PRKD1: variants seen among roughly 807,000 people sequenced by gnomAD.
PRKD1 encodes the protein serine/threonine-protein kinase D1.
A neutral mutation model predicts 95.9 loss-of-function variants in PRKD1; 63 were observed. That is an observed-to-expected ratio of 0.66 (90% CI 0.54 to 0.81). The LOEUF is 0.81. PRKD1 is among the 30% of genes least tolerant of loss of function. The probability of loss-of-function intolerance (pLI) is 0.00; values close to 1 mark genes in which losing one functional copy is unlikely to be tolerated. For synonymous variants in PRKD1, 425 were observed against 423.1 expected (o/e 1.00, Z -0.05); for missense variants, 1,048 against 1,165.3 (o/e 0.90, Z 1.47).
intron 16 of PRKD1, among the ~76,000 whole-genome samples, chr14:29,592,066 A>C (rs1204377572): frequency 6.6e-6 from 1 of 152,130 alleles, no homozygotes; most frequent in East Asian, 1.9e-4. Context: ...AAGTTCTTTC[A>C]AGGAACCGAG....
At chr14:29,866,106 T>A (rs547940968) in intron 1 of PRKD1, among the ~76,000 whole-genome samples, 1 of 152,142 alleles carries the variant, frequency 6.6e-6, no homozygotes, top group Admixed American at 6.6e-5. Flanking sequence ...AGATAAATCA[T>A]TCTGAAATTT....
rs45503598 is a variant in PRKD1, at chr14:29,670,458, T to C, written c.404-4250A>G. On this transcript the variant is annotated intron_variant, in intron 2 of 17. Coordinates refer to ENST00000331968, the MANE Select transcript of PRKD1 (RefSeq NM_002742.3). ...GAACAGGATAAAAGAGTGAACATTT[T>C]TATATAGTCTTATTTTAATTATATA... is the stretch of plus-strand genomic sequence containing the variant. 3.5e-3 allele frequency among the ~76,000 whole-genome samples: 539 copies of C among 152,314 alleles called. 3 individuals are homozygous for C. The highest frequency in any genetic ancestry group is 0.012 in the African/African-American group (507 of 41,570).
chr14:29,794,443 A>G (rs1028950790), intron 1 of PRKD1, among the ~76,000 whole-genome samples: 1 of 151,676 alleles, frequency 6.6e-6, no homozygotes, highest in African/African-American at 2.4e-5. Flanking sequence ...CCACATACAC[A>G]CTCTTTGAAA....
In PRKD1 at chr14:29,857,302, C is replaced by T. The variant is rs1032593551; in HGVS notation, c.264+69947G>A. On this transcript the variant is annotated intron_variant, in intron 1 of 17. Transcript: ENST00000331968. ...TCCACACTACCCTCATTTGCAACCA[C>T]CCAGCTTATAAAAGGCAGAAAATAA... is the stretch of plus-strand genomic sequence containing the variant. 2.0e-5 allele frequency among the ~76,000 whole-genome samples: 3 copies of T among 152,128 alleles called. No homozygotes were observed. In the East Asian group the frequency reaches 5.8e-4, roughly 29 times the overall value.
intron 2 of PRKD1, among the ~76,000 whole-genome samples, chr14:29,716,994 C>A (rs1248071710): frequency 1.3e-5 from 2 of 151,888 alleles, no homozygotes; most frequent in Non-Finnish European, 2.9e-5. Flanking sequence ...AACAAGAGTC[C>A]AGAAAAAGAA....
intron 2 of PRKD1, among the ~76,000 whole-genome samples, chr14:29,712,775 T>C (rs1885396307): frequency 2.6e-5 from 4 of 152,192 alleles, no homozygotes; most frequent in Non-Finnish European, 4.4e-5. Context: ...GATTTTTATA[T>C]GGGTTGCATG....
chr14:29,650,741 T>C (rs924379561), intron 4 of PRKD1, among the ~76,000 whole-genome samples: 4 of 152,194 alleles, frequency 2.6e-5, no homozygotes, highest in Non-Finnish European at 5.9e-5. Flanking sequence ...TTAGGTAACA[T>C]TCTTGAGATT....
chr14:29,823,080 T>C (rs925488428), intron 1 of PRKD1, among the ~76,000 whole-genome samples: 3 of 152,196 alleles, frequency 2.0e-5, no homozygotes, highest in Admixed American at 6.5e-5. Flanking sequence ...AGACACGTTG[T>C]TTGATTTTGC....
At chr14:29,919,503 C>A (rs777884948) in intron 1 of PRKD1, among the ~76,000 whole-genome samples, 1 of 152,194 alleles carries the variant, frequency 6.6e-6, no homozygotes, top group Non-Finnish European at 1.5e-5. Context: ...CAAATAACTT[C>A]AAGTGGTGCT....
At chr14:29,705,305 G>A (rs1885028340) in intron 2 of PRKD1, among the ~76,000 whole-genome samples, 1 of 151,814 alleles carries the variant, frequency 6.6e-6, no homozygotes, top group South Asian at 2.1e-4. Flanking sequence ...AACATACTAG[G>A]TTGCTGCAAA....
At chr14:29,882,006 C>A (rs1893531231) in intron 1 of PRKD1, among the ~76,000 whole-genome samples, 1 of 152,122 alleles carries the variant, frequency 6.6e-6, no homozygotes, top group Non-Finnish European at 1.5e-5. Context: ...GTTATTCTCC[C>A]ATTTCCAAAT....
intron 1 of PRKD1, among the ~76,000 whole-genome samples, chr14:29,769,323 C>T (rs1232537937): frequency 2.6e-5 from 4 of 152,026 alleles, no homozygotes; most frequent in Non-Finnish European, 5.9e-5. Flanking sequence ...AATCCCGGCA[C>T]TTTAGGAGGC....
intron 1 of PRKD1, among the ~76,000 whole-genome samples, chr14:29,837,886 T>C (rs1891672249): frequency 6.6e-6 from 1 of 152,220 alleles, no homozygotes; most frequent in South Asian, 2.1e-4. Flanking sequence ...AAAAAGCTTT[T>C]TAATTAATTT....
chr14:29,898,637 A>G (rs989500390), intron 1 of PRKD1, among the ~76,000 whole-genome samples: 2 of 152,204 alleles, frequency 1.3e-5, no homozygotes, highest in Non-Finnish European at 2.9e-5. Context: ...AAACACCACT[A>G]GATTGATAAT....
intron 1 of PRKD1, among the ~76,000 whole-genome samples, chr14:29,770,775 T>C (rs1888465102): frequency 6.6e-6 from 1 of 151,906 alleles, no homozygotes; most frequent in African/African-American, 2.4e-5. Flanking sequence ...AAGACCACCC[T>C]GCACAACACA....
chr14:29,744,973 T>A (rs893029168), intron 1 of PRKD1, among the ~76,000 whole-genome samples: 2 of 152,168 alleles, frequency 1.3e-5, no homozygotes, highest in Admixed American at 1.3e-4. Context: ...CCACCTCATC[T>A]TCTTCTACCT....
chr14:29,911,522 T>C (rs1894713175), intron 1 of PRKD1, among the ~76,000 whole-genome samples: 1 of 152,074 alleles, frequency 6.6e-6, no homozygotes, highest in Non-Finnish European at 1.5e-5. Flanking sequence ...CATAGAAGTA[T>C]CAAATAAAAA....
intron 1 of PRKD1, among the ~76,000 whole-genome samples, chr14:29,783,128 C>T (rs190481506): frequency 1.2e-4 from 18 of 152,152 alleles, no homozygotes; most frequent in Admixed American, 1.1e-3. Context: ...GTGTTTGTAC[C>T]CGATAACTAA....
At chr14:29,791,574 G>A (rs772459860) in intron 1 of PRKD1, among the ~76,000 whole-genome samples, 2 of 152,040 alleles carry the variant, frequency 1.3e-5, no homozygotes, top group African/African-American at 2.4e-5. Flanking sequence ...AAAATATTAT[G>A]TACTCTTTTT....
Sources: allele counts gnomAD v4.1 joint callset (sites outside exome capture counted in the v4.1 genomes callset), GRCh38; gene constraint gnomAD v4.1.1; transcripts MANE v1.5; gene names NCBI Gene and HGNC (gene_info 2026-07-23, HGNC 2026-07-21).